Variants in UMAD1 observed in about 807,000 individuals in gnomAD.
The protein encoded by UMAD1 is UBAP1-MVB12-associated (UMA) domain containing 1, also known as UBAP1-MVB12-associated (UMA)-domain containing protein 1.
UMAD1 carries 8 observed loss-of-function variants against 6.1 expected under a neutral mutation model. The observed-to-expected ratio is 1.30, with a 90% CI of 0.76 to 2.35. UMAD1 has a LOEUF of 2.35. Among genes scored for constraint, UMAD1 ranks in the 30% most tolerant of loss-of-function variants. The pLI, the probability that UMAD1 is intolerant of heterozygous loss-of-function variation, is 0.00. For missense variants in UMAD1, 130 were observed against 78.4 expected, an observed-to-expected ratio of 1.66 and a Z score of -2.49; for synonymous variants, 56 against 31.4, an observed-to-expected ratio of 1.78 and a Z score of -2.61.
At chr7:7,751,796 GT>G (rs1291061794) in intron 2 of UMAD1, among the ~76,000 whole-genome samples, 2 of 152,128 alleles carry the variant, frequency 1.3e-5, no homozygotes, top group Non-Finnish European at 2.9e-5. Flanking sequence ...CTAGCAATGT[GT>G]TCACGTGATC....
At chr7:7,720,626 A>G (rs1781028437) in intron 2 of UMAD1, among the ~76,000 whole-genome samples, 1 of 152,224 alleles carries the variant, frequency 6.6e-6, no homozygotes, top group African/African-American at 2.4e-5. Flanking sequence ...TTATAAAAAG[A>G]CTTTTTGAGA....
intron 3 of UMAD1, among the ~76,000 whole-genome samples, chr7:7,849,425 G>A (rs1467703725): frequency 6.6e-6 from 1 of 152,162 alleles, no homozygotes; most frequent in Non-Finnish European, 1.5e-5. Flanking sequence ...AAAAGTAGTT[G>A]TAGGGTTATG....
intron 2 of UMAD1, among the ~76,000 whole-genome samples, chr7:7,729,290 T>C (rs1425339756): frequency 6.6e-6 from 1 of 152,194 alleles, no homozygotes; most frequent in African/African-American, 2.4e-5. Flanking sequence ...TGCTAGACCT[T>C]GTAGGCACTG....
intron 2 of UMAD1, among the ~76,000 whole-genome samples, chr7:7,799,301 A>G (rs1782751405): frequency 6.6e-6 from 1 of 152,188 alleles, no homozygotes; most frequent in South Asian, 2.1e-4. Flanking sequence ...TTTCCTTGTA[A>G]TCATTTATTG....
Position 7,673,310 on chromosome 7 carries a change from TAGCAGCAGCAGCAGC to T in UMAD1, c.-15_-1del. ...CATTGTGTAATGTTTCTATTTCAGG[TAGCAGCAGCAGCAGC>T]AGCAGCAGCAGCAGCAGCAGCAGCA... is the stretch of plus-strand genomic sequence containing the variant. On this transcript the variant is annotated splice_region_variant and 5_prime_UTR_variant, in exon 2 of 4. Transcript: ENST00000682710. 21,065 of 1,033,354 alleles carry T rather than the reference TAGCAGCAGCAGCAGC, an allele frequency of 0.02. 264 individuals are homozygous for T. Among genetic ancestry groups the T allele is most frequent in the Middle Eastern group, 0.028 (139 of 4,926 alleles). 64.0% of individuals were successfully genotyped at this position (1,033,354 alleles called of 1,614,324 possible). A position where few individuals can be genotyped will look rare whatever the true frequency, so the allele number is the denominator to read the frequency against.
At position 7,676,279 on chromosome 7, in the gene UMAD1, A is replaced by G. The variant is rs1779737160; in HGVS notation, c.82+2826A>G. The G allele has an allele frequency of 7.5e-6, 3 of 397,434 alleles. No homozygotes were observed. In the Admixed American group the frequency reaches 1.3e-4, roughly 18 times the overall value. The allele number at this position is 397,434 out of a possible 1,614,324, so 24.6% of individuals were successfully genotyped here. ...CACGATATCGGTACCTACCCCATGA[A>G]GTTATTGAGGGGAATAAATGAGTTA... is the stretch of plus-strand genomic sequence containing the variant. On this transcript the variant is annotated intron_variant, in intron 2 of 3. Transcript: ENST00000682710.
intron 3 of UMAD1, among the ~76,000 whole-genome samples, chr7:7,814,930 C>T (rs1416873017): frequency 6.6e-6 from 1 of 152,144 alleles, no homozygotes; most frequent in Non-Finnish European, 1.5e-5. Context: ...CCTTGCCAAG[C>T]TGCTTTCGGG....
chr7:7,839,881 G>A (rs994626503), intron 3 of UMAD1, among the ~76,000 whole-genome samples: 2 of 152,200 alleles, frequency 1.3e-5, no homozygotes, highest in Non-Finnish European at 2.9e-5. Flanking sequence ...TCATGATTCT[G>A]TGCTTTCCTC....
chr7:7,641,435 A>G (rs746420573), intron 1 of UMAD1: 3 of 152,218 alleles, frequency 2.0e-5, no homozygotes, highest in Non-Finnish European at 2.9e-5. Flanking sequence ...TGCAAAACGA[A>G]GGGTTAGGCG....
intron 3 of UMAD1, among the ~76,000 whole-genome samples, chr7:7,836,344 G>A (rs964972688): frequency 1.3e-5 from 2 of 151,970 alleles, no homozygotes; most frequent in African/African-American, 4.8e-5. Flanking sequence ...AAAGTCTTAT[G>A]TTATAATCTT....
At chr7:7,821,157 A>G (rs1405288592) in intron 3 of UMAD1, among the ~76,000 whole-genome samples, 2 of 152,134 alleles carry the variant, frequency 1.3e-5, no homozygotes, top group Non-Finnish European at 2.9e-5. Flanking sequence ...ATTAGGTAGT[A>G]ATTAAAACAA....
At chr7:7,822,977 T>C (rs1387448858) in intron 3 of UMAD1, among the ~76,000 whole-genome samples, 1 of 152,162 alleles carries the variant, frequency 6.6e-6, no homozygotes, top group Non-Finnish European at 1.5e-5. Flanking sequence ...TGTGAGGTTA[T>C]AGTGCTAATA....
chr7:7,871,266 A>G (rs1172240746), intron 3 of UMAD1, among the ~76,000 whole-genome samples: 1 of 152,208 alleles, frequency 6.6e-6, no homozygotes, highest in Non-Finnish European at 1.5e-5. Context: ...AAGATATGCT[A>G]CTTTAATAAC....
intron 3 of UMAD1, among the ~76,000 whole-genome samples, chr7:7,828,337 G>A (rs1245250464): frequency 6.6e-6 from 1 of 152,160 alleles, no homozygotes; most frequent in Non-Finnish European, 1.5e-5. Context: ...CTCCCTATTT[G>A]AGGAGTTGAG....
intron 3 of UMAD1, among the ~76,000 whole-genome samples, chr7:7,843,987 C>T (rs1458353823): frequency 6.6e-6 from 1 of 152,178 alleles, no homozygotes; most frequent in Non-Finnish European, 1.5e-5. Flanking sequence ...GATACTAATT[C>T]TTGGTTTATG....
chr7:7,848,823 A>G (rs1376945733), intron 3 of UMAD1, among the ~76,000 whole-genome samples: 1 of 152,156 alleles, frequency 6.6e-6, no homozygotes, highest in Non-Finnish European at 1.5e-5. Flanking sequence ...TTTTTAAGCT[A>G]TCCATATGCT....
chr7:7,706,230 C>A (rs1351291362), intron 2 of UMAD1, among the ~76,000 whole-genome samples: 1 of 151,988 alleles, frequency 6.6e-6, no homozygotes, highest in Non-Finnish European at 1.5e-5. Context: ...CGGATAATCA[C>A]CTTCTGAGAT....
intron 1 of UMAD1, among the ~76,000 whole-genome samples, chr7:7,657,969 G>A (rs1425734464): frequency 6.6e-6 from 1 of 152,084 alleles, no homozygotes; most frequent in Non-Finnish European, 1.5e-5. Context: ...CCATTTGTTT[G>A]TGTCCTCTCC....
At chr7:7,807,339 A>G (rs945624104) in intron 3 of UMAD1, among the ~76,000 whole-genome samples, 14 of 152,148 alleles carry the variant, frequency 9.2e-5, no homozygotes, top group African/African-American at 3.1e-4. Flanking sequence ...GAAATTCTTC[A>G]TTAAGAACAT....
Sources: allele counts gnomAD v4.1 joint callset (sites outside exome capture counted in the v4.1 genomes callset), GRCh38; gene constraint gnomAD v4.1.1; transcripts MANE v1.5; gene names NCBI Gene and HGNC (gene_info 2026-07-23, HGNC 2026-07-21).